Variants in ZNF518A observed in about 807,000 individuals in gnomAD.
ZNF518A encodes zinc finger protein 518A, also known as zinc finger protein 518.
A neutral mutation model predicts 102.7 loss-of-function variants in ZNF518A; 47 were observed. The ratio of observed to expected loss-of-function variants is 0.46; its 90% CI spans 0.36 to 0.58. ZNF518A has a LOEUF of 0.58. Ranked by LOEUF, ZNF518A falls within the 20% of genes least tolerant of loss-of-function variation. ZNF518A has a pLI of 0.00. For synonymous variants in ZNF518A, 652 were observed against 594.6 expected (o/e 1.10, Z -1.40); for missense variants, 1,793 against 1,699.8 (o/e 1.05, Z -0.96).
At chr10:96,138,233 G>C (rs1272863002) in intron 3 of ZNF518A, among the ~76,000 whole-genome samples, 4 of 152,134 alleles carry the variant, frequency 2.6e-5, no homozygotes, top group Non-Finnish European at 5.9e-5. Flanking sequence ...TTCGACTCAT[G>C]GTAATTCTCT....
chr10:96,196,777 T>C, intron 1 of ZNF518A: 1 of 885,400 alleles, frequency 1.1e-6, no homozygotes, highest in Non-Finnish European at 1.7e-6. Flanking sequence ...TTGTTCTCTA[T>C]GACATTTATG....
intron 1 of ZNF518A, among the ~76,000 whole-genome samples, chr10:96,193,609 CT>C (rs1177172603): frequency 6.6e-6 from 1 of 152,132 alleles, no homozygotes; most frequent in Non-Finnish European, 1.5e-5. Context: ...ACAGCTTCCC[CT>C]CACTCTCCTT....
chr10:96,153,565 A>G (rs1300865523), intron 3 of ZNF518A, among the ~76,000 whole-genome samples: 1 of 152,236 alleles, frequency 6.6e-6, no homozygotes, highest in African/African-American at 2.4e-5. Context: ...TATATGCCAT[A>G]CATTAAATAC....
chr10:96,195,503 A>G (rs587604721), intron 1 of ZNF518A, among the ~76,000 whole-genome samples: 1 of 152,394 alleles, frequency 6.6e-6, no homozygotes, highest in South Asian at 2.1e-4. Context: ...ATCCTAACAC[A>G]TGCTACAACA....
At position 96,156,916 on chromosome 10, in the gene ZNF518A, A is replaced by T; in HGVS notation, c.594A>T (p.Thr198=). ...YTLLNLTKHF[T]STHCVNGNFQ... is the part of the protein sequence containing the mutation. Reference sequence around the variant, plus strand: ...TACTGAACTTGACAAAGCATTTCACATCCACACATTGTGTTAATGGTAATT... The same window carrying T: ...TACTGAACTTGACAAAGCATTTCACTTCCACACATTGTGTTAATGGTAATT... The change falls in exon 6 of 6, where the codon ACA becomes ACT. Residue 198 remains threonine, a synonymous_variant. Transcript: ENST00000316045. 6.2e-7 allele frequency: 1 copy of T among 1,613,908 alleles called. No individual in the cohort carries two copies. Among genetic ancestry groups the T allele is most frequent in the African/African-American group, 1.3e-5 (1 of 75,070 alleles).
chr10:96,201,744 A>ATTCATTCT (rs1202447302), intron 1 of ZNF518A, among the ~76,000 whole-genome samples: 10 of 151,134 alleles, frequency 6.6e-5, no homozygotes, highest in Non-Finnish European at 1.3e-4. Flanking sequence ...ATCTGCATTC[A>ATTCATTCT]TTCATTCATT....
At chr10:96,152,316 AAAT>A (rs1424676707) in intron 3 of ZNF518A, among the ~76,000 whole-genome samples, 7 of 152,174 alleles carry the variant, frequency 4.6e-5, no homozygotes, top group Non-Finnish European at 1.0e-4. Flanking sequence ...GTCTCAAAAT[AAAT>A]AAGTAAAACC....
Position 96,156,869 on chromosome 10 carries a change from A to G in ZNF518A, c.547A>G (p.Asn183Asp). 1.9e-6 allele frequency: 3 copies of G among 1,613,878 alleles called. No individual in the cohort carries two copies. Among genetic ancestry groups the G allele is most frequent in the African/African-American group, 1.3e-5 (1 of 75,076 alleles). ...RSTLVKCDIC[N>D]NESVYTLLNL... Reference sequence around the variant, plus strand: ...CACTTTAGTAAAATGTGACATTTGTAACAATGAGAGTGTATATACTTTACT... The same window carrying G: ...CACTTTAGTAAAATGTGACATTTGTGACAATGAGAGTGTATATACTTTACT... Residue 183 changes from asparagine (N) to aspartate (D), a missense_variant, in exon 6 of 6, where the codon AAC becomes GAC. By Grantham distance (23) the Asn-to-Asp change is conservative. This residue lies in a region of ZNF518A where 1,741 missense variants were observed against 1,622.6 expected (regional missense o/e 1.07). Coordinates refer to ENST00000316045, the MANE Select transcript of ZNF518A (RefSeq NM_001330736.2).
intron 3 of ZNF518A, among the ~76,000 whole-genome samples, chr10:96,138,997 G>T (rs2081769941): frequency 6.6e-6 from 1 of 150,726 alleles, no homozygotes; most frequent in Non-Finnish European, 1.5e-5. Context: ...CCCTTCTGAG[G>T]TGGTGGCATT....
At chr10:96,142,302 TA>T (rs2081963987) in intron 3 of ZNF518A, among the ~76,000 whole-genome samples, 1 of 130,378 alleles carries the variant, frequency 7.7e-6, no homozygotes, top group African/African-American at 2.9e-5. Flanking sequence ...GTAATATTCT[TA>T]GGGTGTGTGT....
chr10:96,138,517 C>G (rs1554875338), intron 3 of ZNF518A, among the ~76,000 whole-genome samples: 2 of 152,202 alleles, frequency 1.3e-5, no homozygotes, highest in Non-Finnish European at 1.5e-5. Flanking sequence ...AAGACCTTTT[C>G]AAGTCGAGGG....
intron 2 of ZNF518A, 105 bp from the exon 3 acceptor site, chr10:96,133,478 T>C (rs782786061): frequency 4.6e-5 from 7 of 152,194 alleles, no homozygotes; most frequent in Admixed American, 1.3e-4. Context: ...TATGGTATTA[T>C]AAGGAAAGCT....
chr10:96,158,464 T>G lies in ZNF518A; in HGVS notation c.2142T>G (p.Ser714=), dbSNP rs782746083. The change falls in exon 6 of 6, where the codon TCT becomes TCG. Residue 714 remains serine, a synonymous_variant. Transcript: ENST00000316045. Reference sequence around the variant, plus strand: ...AAGATGGAACTTTAAAAGCAAAATCTGAAATTGAAGAACAGTATGTTTTAG... The same window carrying G: ...AAGATGGAACTTTAAAAGCAAAATCGGAAATTGAAGAACAGTATGTTTTAG... The part of the protein sequence containing the change: ...NDKDGTLKAK[S]EIEEQYVLEK... 6.2e-7 allele frequency: 1 copy of G among 1,612,594 alleles called. No homozygotes were observed. The highest frequency in any genetic ancestry group is 1.1e-5 in the South Asian group (1 of 90,914).
At chr10:96,204,347 G>A (rs2083739164), downstream of ZNF518A, 12 of 735,170 alleles carry the variant, frequency 1.6e-5, no homozygotes, top group South Asian at 2.0e-4. Flanking sequence ...CAATTAGTAG[G>A]TCTCTGCAAC....
chr10:96,152,264 G>C (rs1239046063), intron 3 of ZNF518A, among the ~76,000 whole-genome samples: 1 of 151,962 alleles, frequency 6.6e-6, no homozygotes, highest in African/African-American at 2.4e-5. Flanking sequence ...AGTGAGCTGA[G>C]ATCACGCCAC....
chr10:96,172,615 A>G (rs2083180233), intron 1 of ZNF518A, among the ~76,000 whole-genome samples: 1 of 152,194 alleles, frequency 6.6e-6, no homozygotes, highest in Middle Eastern at 3.4e-3. Flanking sequence ...TTAAGTTTGT[A>G]TTTATCTGAA....
At chr10:96,170,969 C>T (rs587703522) in intron 1 of ZNF518A, among the ~76,000 whole-genome samples, 8 of 151,604 alleles carry the variant, frequency 5.3e-5, no homozygotes, top group South Asian at 4.2e-4. Flanking sequence ...TGAAAAGATG[C>T]GCAACATCAT....
intron 1 of ZNF518A, among the ~76,000 whole-genome samples, chr10:96,186,926 G>T (rs1377026294): frequency 6.6e-6 from 1 of 152,172 alleles, no homozygotes; most frequent in Non-Finnish European, 1.5e-5. Context: ...CAAAGGTTAA[G>T]AAAAATGTTG....
At chr10:96,184,941 A>T (rs1171291583) in intron 1 of ZNF518A, among the ~76,000 whole-genome samples, 1 of 152,312 alleles carries the variant, frequency 6.6e-6, no homozygotes, top group East Asian at 1.9e-4. Context: ...AGGTACACCA[A>T]TCAAACGTAG....
Sources: gnomAD v4.1 joint callset for allele counts (sites outside exome capture counted in the v4.1 genomes callset) on GRCh38, gnomAD v4.1.1 for gene constraint, gnomAD v4.1.1 regional missense constraint, MANE v1.5 for transcripts, NCBI Gene and HGNC (gene_info 2026-07-23, HGNC 2026-07-21) for gene names.